TRABD2B: variants seen among roughly 807,000 people sequenced by gnomAD.
TRABD2B encodes the protein TraB domain containing 2B.
TRABD2B carries 14 observed loss-of-function variants against 40.1 expected under a neutral mutation model. The ratio of observed to expected loss-of-function variants is 0.35; its 90% CI spans 0.23 to 0.55. TRABD2B has a LOEUF of 0.55. Among genes scored for constraint, TRABD2B ranks in the 20% least tolerant of loss-of-function variants. TRABD2B has a pLI of 0.90. For synonymous variants in TRABD2B, 263 were observed against 277.0 expected (o/e 0.95, Z 0.50); for missense variants, 541 against 648.6 (o/e 0.83, Z 1.80).
At chr1:47,839,917 C>A (rs899111283) in intron 2 of TRABD2B, among the ~76,000 whole-genome samples, 1 of 152,174 alleles carries the variant, frequency 6.6e-6, no homozygotes, top group Non-Finnish European at 1.5e-5. Context: ...TGTCTGGCTG[C>A]CCCCTCCATC....
At chr1:47,993,174 T>G (rs1201419961) in intron 2 of TRABD2B, among the ~76,000 whole-genome samples, 1 of 151,882 alleles carries the variant, frequency 6.6e-6, no homozygotes, top group Non-Finnish European at 1.5e-5. Context: ...CTTGAAGGAG[T>G]CCCCATCCTG....
intron 2 of TRABD2B, among the ~76,000 whole-genome samples, chr1:47,952,503 C>T (rs942077492): frequency 1.3e-5 from 2 of 152,202 alleles, no homozygotes; most frequent in African/African-American, 4.8e-5. Context: ...GTCCCATCTG[C>T]TGACTGCTGT....
At chr1:47,884,120 T>TAAA (rs1644340701) in intron 2 of TRABD2B, among the ~76,000 whole-genome samples, 1 of 152,368 alleles carries the variant, frequency 6.6e-6, no homozygotes, top group South Asian at 2.1e-4. Context: ...GTGCTAGTCA[T>TAAA]TAGGTGCCCA....
At chr1:47,922,232 C>G (rs946671160) in intron 2 of TRABD2B, among the ~76,000 whole-genome samples, 7 of 152,334 alleles carry the variant, frequency 4.6e-5, no homozygotes, top group Admixed American at 3.3e-4. Context: ...ACCTAGCCTA[C>G]TGCCATGGAG....
intron 2 of TRABD2B, among the ~76,000 whole-genome samples, chr1:47,846,897 A>AC (rs1557610250): frequency 5.8e-5 from 4 of 69,384 alleles, no homozygotes; most frequent in African/African-American, 2.0e-4. Flanking sequence ...CACACACACA[A>AC]ATGAGGGCTG....
intron 2 of TRABD2B, 113 bp from the exon 3 acceptor site, chr1:47,801,732 G>A: frequency 7.6e-7 from 1 of 1,320,902 alleles, no homozygotes; most frequent in African/African-American, 1.5e-5. Context: ...AACAGAGAAG[G>A]TGTGTGGGGC....
chr1:47,865,657 T>C (rs1644044884), intron 2 of TRABD2B, among the ~76,000 whole-genome samples: 1 of 152,164 alleles, frequency 6.6e-6, no homozygotes, highest in African/African-American at 2.4e-5. Flanking sequence ...CTCATCCTCT[T>C]TCTGAGCCTG....
At chr1:47,849,928 C>T (rs1645525059) in intron 2 of TRABD2B, among the ~76,000 whole-genome samples, 1 of 152,250 alleles carries the variant, frequency 6.6e-6, no homozygotes. Context: ...TTTCACAGGC[C>T]TGTTCCTTCC....
At chr1:47,902,994 C>T (rs1040024994) in intron 2 of TRABD2B, among the ~76,000 whole-genome samples, 2 of 152,190 alleles carry the variant, frequency 1.3e-5, no homozygotes, top group African/African-American at 4.8e-5. Context: ...ACAGCCCCTT[C>T]TGCCTGGAAA....
At chr1:47,923,698 G>C (rs559907872) in intron 2 of TRABD2B, among the ~76,000 whole-genome samples, 1 of 152,106 alleles carries the variant, frequency 6.6e-6, no homozygotes, top group Non-Finnish European at 1.5e-5. Flanking sequence ...CTTCTATAAC[G>C]TGGGTGGGCC....
In TRABD2B at chr1:47,927,917, G is replaced by A. The variant is rs74505508; in HGVS notation, c.666+66117C>T. Among the ~76,000 whole-genome samples, 1,479 of 152,320 alleles carry A rather than the reference G, an allele frequency of 9.7e-3. 25 individuals are homozygous for A. Among genetic ancestry groups the A allele is most frequent in the African/African-American group, 0.032 (1,346 of 41,568 alleles). ...CAATCTTTCTGGATGGGGGACCCTTGGAGAGGGTTAAGCCCTTCGTATTCA... is the reference window on the plus strand; with the variant it reads ...CAATCTTTCTGGATGGGGGACCCTTAGAGAGGGTTAAGCCCTTCGTATTCA... On this transcript the variant is annotated intron_variant, in intron 2 of 6. Coordinates refer to ENST00000606738, the MANE Select transcript of TRABD2B (RefSeq NM_001194986.2).
chr1:47,883,585 T>C (rs556215547), intron 2 of TRABD2B, among the ~76,000 whole-genome samples: 1 of 152,326 alleles, frequency 6.6e-6, no homozygotes, highest in Admixed American at 6.5e-5. Flanking sequence ...ACCAAGAGCC[T>C]GAAGCCTTCA....
At chr1:47,898,571 T>C (rs1401424813) in intron 2 of TRABD2B, among the ~76,000 whole-genome samples, 1 of 152,178 alleles carries the variant, frequency 6.6e-6, no homozygotes, top group African/African-American at 2.4e-5. Context: ...AGAACCTTGA[T>C]GGTCATACGA....
intron 2 of TRABD2B, among the ~76,000 whole-genome samples, chr1:47,912,476 G>T (rs1332981261): frequency 1.3e-5 from 2 of 152,180 alleles, no homozygotes; most frequent in Non-Finnish European, 2.9e-5. Context: ...TTTTGGTTTT[G>T]GTTTGTTGGG....
intron 2 of TRABD2B, among the ~76,000 whole-genome samples, chr1:47,862,938 A>G (rs567413797): frequency 6.6e-6 from 1 of 152,342 alleles, no homozygotes; most frequent in African/African-American, 2.4e-5. Flanking sequence ...ACATAAATGT[A>G]GTCAACTAAT....
Position 47,964,658 on chromosome 1 carries a change from C to T in TRABD2B, c.666+29376G>A, listed in dbSNP as rs116411396. On this transcript the variant is annotated intron_variant, in intron 2 of 6. Transcript: ENST00000606738. ...TTTAGTTATCTTTATTTGCCTCTAG[C>T]AATTTGTTTTTAATGCTGAACAGCC... is the stretch of plus-strand genomic sequence containing the variant. Among the ~76,000 whole-genome samples the T allele has an allele frequency of 5.2e-3, 791 of 152,226 alleles. 5 individuals are homozygous for T. The highest frequency in any genetic ancestry group is 8.8e-3 in the Non-Finnish European group (598 of 68,020).
At chr1:47,872,277 T>C (rs1414559734) in intron 2 of TRABD2B, among the ~76,000 whole-genome samples, 1 of 152,192 alleles carries the variant, frequency 6.6e-6, no homozygotes. Flanking sequence ...TTCTGGGTCA[T>C]GGCTCAGGCT....
intron 2 of TRABD2B, among the ~76,000 whole-genome samples, chr1:47,863,882 C>G (rs781140669): frequency 2.0e-5 from 3 of 152,172 alleles, no homozygotes; most frequent in Non-Finnish European, 2.9e-5. Context: ...AAATAAACTA[C>G]AGTACATCTA....
chr1:47,826,990 T>C (rs958005961), intron 2 of TRABD2B, among the ~76,000 whole-genome samples: 4 of 152,144 alleles, frequency 2.6e-5, no homozygotes, highest in Non-Finnish European at 4.4e-5. Context: ...AGGGCAAAGA[T>C]GGGGAAACCT....
Sources: gnomAD v4.1 joint callset for allele counts (sites outside exome capture counted in the v4.1 genomes callset) on GRCh38, gnomAD v4.1.1 for gene constraint, MANE v1.5 for transcripts, NCBI Gene and HGNC (gene_info 2026-07-23, HGNC 2026-07-21) for gene names.